Variants in CNTNAP2 observed in about 807,000 individuals in gnomAD.
CNTNAP2 encodes the protein contactin associated protein 2.
A neutral mutation model predicts 155.2 loss-of-function variants in CNTNAP2; 98 were observed. The observed-to-expected ratio is 0.63, with a 90% CI of 0.54 to 0.75. The LOEUF (loss-of-function observed/expected upper bound fraction) is 0.75, where lower values mean the gene tolerates loss of function less well. CNTNAP2 is among the 30% of genes least tolerant of loss of function. The probability of loss-of-function intolerance (pLI) is 0.00; values close to 1 mark genes in which losing one functional copy is unlikely to be tolerated. For missense variants in CNTNAP2, 1,727 were observed against 1,688.1 expected, an observed-to-expected ratio of 1.02 and a Z score of -0.40; for synonymous variants, 651 against 631.2, an observed-to-expected ratio of 1.03 and a Z score of -0.47.
intron 15 of CNTNAP2, among the ~76,000 whole-genome samples, chr7:148,024,234 A>G (rs1428155901): frequency 6.6e-6 from 1 of 152,044 alleles, no homozygotes; most frequent in Non-Finnish European, 1.5e-5. Flanking sequence ...ACAGAATGAA[A>G]AATTCCAGAC....
intron 3 of CNTNAP2, among the ~76,000 whole-genome samples, chr7:147,031,678 G>A (rs2129250353): frequency 6.6e-6 from 1 of 152,350 alleles, no homozygotes; most frequent in East Asian, 1.9e-4. Flanking sequence ...AGCACTTTGG[G>A]AGGCCAAGCT....
At chr7:147,219,930 C>G (rs991517337) in intron 8 of CNTNAP2, among the ~76,000 whole-genome samples, 5 of 150,218 alleles carry the variant, frequency 3.3e-5, no homozygotes, top group African/African-American at 9.8e-5. Context: ...CACCCACCAC[C>G]ACGCCCAGCT....
intron 14 of CNTNAP2, among the ~76,000 whole-genome samples, chr7:147,949,775 C>A (rs1204952931): frequency 6.6e-6 from 1 of 152,050 alleles, no homozygotes; most frequent in Non-Finnish European, 1.5e-5. Context: ...GGTCAGGAAA[C>A]CCAAGTAGGA....
At chr7:146,497,077 G>A (rs1797227013) in intron 1 of CNTNAP2, among the ~76,000 whole-genome samples, 1 of 152,100 alleles carries the variant, frequency 6.6e-6, no homozygotes, top group Admixed American at 6.6e-5. Flanking sequence ...TTTTACAATT[G>A]TGAAAACTGA....
At chr7:147,949,258 A>G (rs377277963) in intron 14 of CNTNAP2, among the ~76,000 whole-genome samples, 10 of 152,014 alleles carry the variant, frequency 6.6e-5, no homozygotes, top group Non-Finnish European at 1.0e-4. Flanking sequence ...TATATTTACT[A>G]GTCATTAAGT....
At chr7:147,315,642 G>T (rs545345664) in intron 9 of CNTNAP2, among the ~76,000 whole-genome samples, 1 of 151,708 alleles carries the variant, frequency 6.6e-6, no homozygotes, top group Non-Finnish European at 1.5e-5. Context: ...CCACACGCCC[G>T]GCTAATTTTT....
intron 12 of CNTNAP2, among the ~76,000 whole-genome samples, chr7:147,605,684 C>T (rs1801047701): frequency 6.6e-6 from 1 of 151,992 alleles, no homozygotes; most frequent in Admixed American, 6.6e-5. Flanking sequence ...AGGACCTGCC[C>T]TTCATTAGAA....
chr7:148,203,713 T>C (rs1479118643), intron 18 of CNTNAP2, among the ~76,000 whole-genome samples: 5 of 151,962 alleles, frequency 3.3e-5, no homozygotes, highest in Non-Finnish European at 7.4e-5. Context: ...TACTCCAGCC[T>C]GGGTGGCCCA....
intron 11 of CNTNAP2, among the ~76,000 whole-genome samples, chr7:147,520,103 A>T (rs1422057700): frequency 6.6e-6 from 1 of 152,194 alleles, no homozygotes; most frequent in Non-Finnish European, 1.5e-5. Flanking sequence ...CAAAGAATCC[A>T]GTCGTTGTAT....
chr7:147,617,016 C>T (rs568536553), intron 12 of CNTNAP2, among the ~76,000 whole-genome samples: 1 of 152,150 alleles, frequency 6.6e-6, no homozygotes, highest in Non-Finnish European at 1.5e-5. Flanking sequence ...AATCTTATAG[C>T]CCACTATTCC....
intron 12 of CNTNAP2, among the ~76,000 whole-genome samples, chr7:147,614,063 C>T (rs1435372165): frequency 6.6e-6 from 1 of 152,110 alleles, no homozygotes; most frequent in Admixed American, 6.5e-5. Context: ...TATACACAGA[C>T]TTTGCTTTAA....
At chr7:147,963,311 T>C (rs1801144517) in intron 14 of CNTNAP2, among the ~76,000 whole-genome samples, 1 of 152,188 alleles carries the variant, frequency 6.6e-6, no homozygotes, top group African/African-American at 2.4e-5. Context: ...CAACCATAAC[T>C]GTATTATCCA....
intron 2 of CNTNAP2, among the ~76,000 whole-genome samples, chr7:146,795,960 AT>A (rs1802761184): frequency 6.6e-6 from 1 of 152,336 alleles, no homozygotes; most frequent in Admixed American, 6.5e-5. Flanking sequence ...AAGAAATACA[AT>A]TTGAAATTCA....
chr7:146,827,452 T>G (rs1172906259), intron 2 of CNTNAP2, among the ~76,000 whole-genome samples: 1 of 151,996 alleles, frequency 6.6e-6, no homozygotes, highest in African/African-American at 2.4e-5. Context: ...TTTCTGCATC[T>G]TCACCGAGTA....
intron 9 of CNTNAP2, among the ~76,000 whole-genome samples, chr7:147,390,717 A>G (rs1003899480): frequency 6.6e-6 from 1 of 152,088 alleles, no homozygotes; most frequent in South Asian, 2.1e-4. Flanking sequence ...CTTGGAAATC[A>G]TATCACCTTG....
intron 8 of CNTNAP2, among the ~76,000 whole-genome samples, chr7:147,200,493 A>C (rs1316554824): frequency 6.6e-6 from 1 of 152,188 alleles, no homozygotes; most frequent in Non-Finnish European, 1.5e-5. Flanking sequence ...AGGAAACCAC[A>C]ATCCTTTAAA....
intron 1 of CNTNAP2, among the ~76,000 whole-genome samples, chr7:146,413,685 C>T (rs768145359): frequency 1.3e-5 from 2 of 152,136 alleles, no homozygotes; most frequent in African/African-American, 4.8e-5. Context: ...TCCTGCTCCT[C>T]CTTCTCATAC....
At chr7:148,298,205 G>T (rs777896866) in intron 21 of CNTNAP2, among the ~76,000 whole-genome samples, 1 of 152,144 alleles carries the variant, frequency 6.6e-6, no homozygotes, top group African/African-American at 2.4e-5. Context: ...ATTTTAGAAG[G>T]GTAGTTGGAT....
intron 1 of CNTNAP2, among the ~76,000 whole-genome samples, chr7:146,253,453 A>G (rs1008569277): frequency 6.6e-6 from 1 of 152,342 alleles, no homozygotes; most frequent in African/African-American, 2.4e-5. Context: ...TGTCTTTGCT[A>G]TACATGCCCA....
Sources: gnomAD v4.1 joint callset for allele counts (sites outside exome capture counted in the v4.1 genomes callset) on GRCh38, gnomAD v4.1.1 for gene constraint, MANE v1.5 for transcripts, NCBI Gene and HGNC (gene_info 2026-07-23, HGNC 2026-07-21) for gene names.